SCN11A: variants seen among roughly 807,000 people sequenced by gnomAD.
SCN11A encodes sodium voltage-gated channel alpha subunit 11, also known as sodium channel protein type 11 subunit alpha.
Under a neutral mutation model 162.2 loss-of-function variants are expected in SCN11A, and 122 were observed. The observed-to-expected ratio is 0.75, with a 90% CI of 0.65 to 0.87. The LOEUF is 0.87. SCN11A is among the 40% of genes least tolerant of loss of function. The probability of loss-of-function intolerance (pLI) is 0.00; values close to 1 mark genes in which losing one functional copy is unlikely to be tolerated. For missense variants in SCN11A, 2,015 were observed against 2,181.6 expected (o/e 0.92, Z 1.52); for synonymous variants, 758 against 751.5 (o/e 1.01, Z -0.14).
chr3:38,902,343 C>T (rs559804066), intron 16 of SCN11A, among the ~76,000 whole-genome samples: 1 of 152,124 alleles, frequency 6.6e-6, no homozygotes, highest in African/African-American at 2.4e-5. Context: ...CTAACCCATT[C>T]ACACCCACAA....
intron 2 of SCN11A, among the ~76,000 whole-genome samples, chr3:38,994,468 G>A (rs932431392): frequency 3.9e-5 from 6 of 152,166 alleles, no homozygotes; most frequent in Non-Finnish European, 5.9e-5. Flanking sequence ...TGTTGTTGAC[G>A]TTTAAGAGGC....
chr3:38,919,113 T>TA (rs1491537376), intron 11 of SCN11A, among the ~76,000 whole-genome samples: 4 of 152,210 alleles, frequency 2.6e-5, no homozygotes, highest in African/African-American at 4.8e-5. Flanking sequence ...AAATATAGTA[T>TA]TATAATTTTA....
chr3:38,932,411 G>A (rs2066255820), intron 7 of SCN11A, among the ~76,000 whole-genome samples: 1 of 152,166 alleles, frequency 6.6e-6, no homozygotes, highest in Non-Finnish European at 1.5e-5. Flanking sequence ...GCCGAAGCAG[G>A]GTGAGGCATT....
At chr3:38,996,777 A>T (rs529636815) in intron 2 of SCN11A, among the ~76,000 whole-genome samples, 34 of 152,172 alleles carry the variant, frequency 2.2e-4, no homozygotes, top group Non-Finnish European at 4.4e-4. Context: ...GGTTTCTCCC[A>T]TCAAGAAGGA....
rs113252756 is a variant in SCN11A at position 39,047,518 on chromosome 3, T to C, written c.-404+4343A>G. Among the ~76,000 whole-genome samples the C allele has an allele frequency of 9.1e-3, 1,377 of 151,946 alleles. 6 individuals are homozygous for C. The highest frequency in any genetic ancestry group is 0.014 in the Non-Finnish European group (956 of 67,932). ...AAAGCACAGGCAACAAAACCAAATATAGACAAATTGGATTACATCAAACTA... is the reference window on the plus strand; with the variant it reads ...AAAGCACAGGCAACAAAACCAAATACAGACAAATTGGATTACATCAAACTA... On this transcript the variant is annotated intron_variant, in intron 1 of 29. Coordinates refer to ENST00000302328, the MANE Select transcript of SCN11A (RefSeq NM_001349253.2).
At chr3:38,949,590 T>C (rs1435992334) in intron 5 of SCN11A, among the ~76,000 whole-genome samples, 1 of 152,244 alleles carries the variant, frequency 6.6e-6, no homozygotes, top group Admixed American at 6.5e-5. Context: ...CTTGTTGCTA[T>C]AATGAGCATT....
intron 23 of SCN11A, among the ~76,000 whole-genome samples, chr3:38,872,717 C>A (rs2126097112): frequency 6.6e-6 from 1 of 152,146 alleles, no homozygotes; most frequent in Non-Finnish European, 1.5e-5. Flanking sequence ...GTATTGTAAT[C>A]ATGTGAGACA....
chr3:39,005,504 C>T (rs888702151), intron 2 of SCN11A, among the ~76,000 whole-genome samples: 3 of 152,310 alleles, frequency 2.0e-5, no homozygotes, highest in African/African-American at 7.2e-5. Flanking sequence ...TCTCCTACCA[C>T]GTGTGAAAGT....
intron 3 of SCN11A, among the ~76,000 whole-genome samples, chr3:38,957,020 C>T (rs543170254): frequency 2.6e-4 from 39 of 152,276 alleles, no homozygotes; most frequent in African/African-American, 9.4e-4. Context: ...CTAAATTCCT[C>T]ATCTCCCATA....
intron 11 of SCN11A, among the ~76,000 whole-genome samples, chr3:38,919,730 C>T (rs1240774073): frequency 6.6e-6 from 1 of 152,148 alleles, no homozygotes; most frequent in Non-Finnish European, 1.5e-5. Context: ...TCCAATTTAA[C>T]ATAACTAGGG....
intron 2 of SCN11A, among the ~76,000 whole-genome samples, chr3:38,985,125 TG>T (rs2030189376): frequency 7.1e-6 from 1 of 140,054 alleles, no homozygotes; most frequent in Non-Finnish European, 1.5e-5. Context: ...TCTGGCTGGC[TG>T]TCTTTTTTTT....
At chr3:38,871,220 A>G (rs952298510) in intron 25 of SCN11A, among the ~76,000 whole-genome samples, 1 of 152,212 alleles carries the variant, frequency 6.6e-6, no homozygotes, top group Admixed American at 6.5e-5. Context: ...GGTGAGATGT[A>G]CAGATCCTTA....
intron 16 of SCN11A, among the ~76,000 whole-genome samples, chr3:38,900,671 T>A (rs2065685816): frequency 6.8e-6 from 1 of 147,168 alleles, no homozygotes; most frequent in African/African-American, 2.5e-5. Context: ...ATATATGGGA[T>A]AAGCCTTAAA....
chr3:38,980,728 C>A (rs933640944), intron 2 of SCN11A, among the ~76,000 whole-genome samples: 17 of 152,142 alleles, frequency 1.1e-4, no homozygotes, highest in Admixed American at 5.2e-4. Context: ...AGGTCAGATC[C>A]AGAATTTTGT....
chr3:39,026,565 A>G (rs1357636874), intron 2 of SCN11A, among the ~76,000 whole-genome samples: 1 of 152,214 alleles, frequency 6.6e-6, no homozygotes, highest in East Asian at 1.9e-4. Flanking sequence ...TAAAGCAGTG[A>G]AGACAAATTT....
chr3:39,025,998 A>G (rs2031578130), intron 2 of SCN11A: 1 of 152,232 alleles, frequency 6.6e-6, no homozygotes, highest in Admixed American at 6.5e-5. Context: ...TACTTGCTTC[A>G]GCAGCACATA....
intron 1 of SCN11A, among the ~76,000 whole-genome samples, chr3:39,035,261 G>A (rs112696278): frequency 0.1 from 15,803 of 152,096 alleles, 1,047 homozygotes; most frequent in East Asian, 0.22. Context: ...ACAGACCAAG[G>A]GAACAGAATA....
chr3:38,963,865 A>C (rs2066763676), intron 2 of SCN11A, among the ~76,000 whole-genome samples: 3 of 152,322 alleles, frequency 2.0e-5, no homozygotes, highest in Non-Finnish European at 4.4e-5. Flanking sequence ...TACCCCAATA[A>C]CTTACAGAAA....
chr3:39,024,347 A>T (rs888114880), intron 2 of SCN11A, among the ~76,000 whole-genome samples: 2 of 152,230 alleles, frequency 1.3e-5, no homozygotes, highest in Admixed American at 6.5e-5. Context: ...TGTAGCATTT[A>T]TTCCTCCTGG....
Sources: allele counts gnomAD v4.1 joint callset (sites outside exome capture counted in the v4.1 genomes callset), GRCh38; gene constraint gnomAD v4.1.1; transcripts MANE v1.5; gene names NCBI Gene and HGNC (gene_info 2026-07-23, HGNC 2026-07-21).